Variants in CSMD1 observed in about 807,000 individuals in gnomAD.
CSMD1 encodes CUB and sushi domain-containing protein 1.
Under a neutral mutation model 417.5 loss-of-function variants are expected in CSMD1, and 213 were observed. The observed-to-expected ratio is 0.51, with a 90% CI of 0.46 to 0.57. CSMD1 has a LOEUF of 0.57. Ranked by LOEUF, CSMD1 falls within the 20% of genes least tolerant of loss-of-function variation. The probability of loss-of-function intolerance (pLI) is 0.00; values close to 1 mark genes in which losing one functional copy is unlikely to be tolerated. For synonymous variants in CSMD1, 2,862 were observed against 1,736.8 expected (o/e 1.65, Z -16.11); for missense variants, 6,923 against 4,529.7 (o/e 1.53, Z -15.17).
intron 1 of CSMD1, among the ~76,000 whole-genome samples, chr8:4,687,971 T>A (rs551382290): frequency 3.3e-5 from 5 of 152,342 alleles, no homozygotes; most frequent in African/African-American, 9.6e-5. Flanking sequence ...ATCTGTAGCA[T>A]CTTTCACTGC....
At chr8:4,330,007 T>C (rs947092259) in intron 3 of CSMD1, among the ~76,000 whole-genome samples, 20 of 152,164 alleles carry the variant, frequency 1.3e-4, no homozygotes, top group African/African-American at 4.8e-4. Context: ...CCATGCTTCC[T>C]GTACAGCATG....
intron 2 of CSMD1, among the ~76,000 whole-genome samples, chr8:4,555,648 C>T (rs1798056027): frequency 6.6e-6 from 1 of 152,096 alleles, no homozygotes; most frequent in Non-Finnish European, 1.5e-5. Context: ...AAAAATGCTG[C>T]TTTTGTCAGA....
intron 52 of CSMD1, among the ~76,000 whole-genome samples, chr8:3,014,482 C>G (rs1375144174): frequency 6.6e-6 from 1 of 152,122 alleles, no homozygotes; most frequent in African/African-American, 2.4e-5. Context: ...TCCATAATAT[C>G]TCACCAAGAA....
chr8:4,438,694 G>T (rs570377363), intron 2 of CSMD1, among the ~76,000 whole-genome samples: 5 of 152,228 alleles, frequency 3.3e-5, no homozygotes, highest in Admixed American at 3.3e-4. Context: ...AAACTCTTGC[G>T]GCCTTCATAC....
intron 3 of CSMD1, among the ~76,000 whole-genome samples, chr8:4,362,823 T>A: frequency 6.6e-6 from 1 of 152,230 alleles, no homozygotes; most frequent in East Asian, 1.9e-4. Context: ...GATTTTATAA[T>A]ATGGGATAGT....
At position 3,983,212 on chromosome 8, in the gene CSMD1, G is replaced by T. The variant is rs545075275; in HGVS notation, c.818+14691C>A. On this transcript the variant is annotated intron_variant, in intron 5 of 69. Coordinates refer to ENST00000635120, the MANE Select transcript of CSMD1 (RefSeq NM_033225.6). ...GTGGCGCGATCTCAGCTCACTGCAAGCTCCACCTCCCGGGTTCACGCCATT... is the reference window on the plus strand; with the variant it reads ...GTGGCGCGATCTCAGCTCACTGCAATCTCCACCTCCCGGGTTCACGCCATT... Among the ~76,000 whole-genome samples the T allele has an allele frequency of 3.4e-5, 5 of 148,530 alleles. No individual in the cohort carries two copies. In the East Asian group the frequency reaches 1.0e-3, roughly 30 times the overall value.
At chr8:3,330,183 T>G (rs908278898) in intron 23 of CSMD1, among the ~76,000 whole-genome samples, 1 of 152,192 alleles carries the variant, frequency 6.6e-6, no homozygotes, top group South Asian at 2.1e-4. Flanking sequence ...CTTCAATTAC[T>G]ATAGCATTCT....
intron 1 of CSMD1, among the ~76,000 whole-genome samples, chr8:4,689,444 G>A (rs949499575): frequency 2.6e-5 from 4 of 152,090 alleles, no homozygotes; most frequent in Non-Finnish European, 4.4e-5. Context: ...TAATGGGTAT[G>A]CATTTATATT....
At chr8:3,655,610 G>A (rs1006308198) in intron 7 of CSMD1, among the ~76,000 whole-genome samples, 1 of 151,640 alleles carries the variant, frequency 6.6e-6, no homozygotes, top group African/African-American at 2.4e-5. Context: ...GGCCCCTCAG[G>A]CAGGGCTGCA....
chr8:4,303,288 T>C (rs961442664), intron 3 of CSMD1, among the ~76,000 whole-genome samples: 4 of 152,160 alleles, frequency 2.6e-5, no homozygotes, highest in Non-Finnish European at 4.4e-5. Context: ...AAAATAATTA[T>C]TTTTACTTAG....
chr8:3,216,454 T>C lies in CSMD1; in HGVS notation c.4673-1763A>G, dbSNP rs144969339. Among the ~76,000 whole-genome samples, 648 of 152,322 alleles carry C rather than the reference T, an allele frequency of 4.3e-3. 8 individuals are homozygous for C. Among genetic ancestry groups the C allele is most frequent in the African/African-American group, 0.015 (608 of 41,572 alleles). On this transcript the variant is annotated intron_variant, in intron 29 of 69. Transcript: ENST00000635120. ...ACATCTATTAATGTATGTCTGTTGC[T>C]CTTGTGTCCTTTTTGATCATTTTTT... is the stretch of plus-strand genomic sequence containing the variant.
At chr8:3,353,734 T>G (rs1374041228) in intron 21 of CSMD1, among the ~76,000 whole-genome samples, 1 of 149,324 alleles carries the variant, frequency 6.7e-6, no homozygotes, top group Non-Finnish European at 1.5e-5. Context: ...TTTTCAATAG[T>G]CTATTTAATA....
At chr8:3,052,717 T>C in intron 49 of CSMD1, 70 bp from the exon 50 acceptor site, 3 of 1,096,804 alleles carry the variant, frequency 2.7e-6, no homozygotes, top group Non-Finnish European at 3.8e-6. Context: ...AAACCATTGA[T>C]TGATTAATCA....
At chr8:4,734,200 A>C (rs1244247365) in intron 1 of CSMD1, among the ~76,000 whole-genome samples, 2 of 152,152 alleles carry the variant, frequency 1.3e-5, no homozygotes, top group Non-Finnish European at 2.9e-5. Flanking sequence ...TTACCTGGAA[A>C]ATTCCCCTGC....
chr8:4,931,074 T>G (rs1379598934), intron 1 of CSMD1, among the ~76,000 whole-genome samples: 1 of 152,218 alleles, frequency 6.6e-6, no homozygotes, highest in African/African-American at 2.4e-5. Context: ...ATAATTGGCT[T>G]GGAAATTCAG....
chr8:3,740,207 G>C (rs944381460), intron 6 of CSMD1, among the ~76,000 whole-genome samples: 2 of 152,158 alleles, frequency 1.3e-5, no homozygotes, highest in Non-Finnish European at 2.9e-5. Flanking sequence ...CCAGGTTCAA[G>C]TGAGTCTCCT....
intron 25 of CSMD1, among the ~76,000 whole-genome samples, chr8:3,287,913 T>C (rs35708965): frequency 0.087 from 11,860 of 136,020 alleles, 809 homozygotes; most frequent in Non-Finnish European, 0.12. Context: ...AGTTTTTGCC[T>C]ATTCAGTATG....
intron 3 of CSMD1, among the ~76,000 whole-genome samples, chr8:4,307,017 G>A (rs534341776): frequency 3.3e-5 from 5 of 152,040 alleles, no homozygotes; most frequent in East Asian, 3.9e-4. Context: ...GCCCCTCTTC[G>A]TCGCCTGCAC....
chr8:4,350,125 C>G (rs1359298989), intron 3 of CSMD1, among the ~76,000 whole-genome samples: 4 of 152,152 alleles, frequency 2.6e-5, no homozygotes, highest in African/African-American at 9.7e-5. Context: ...AGATTCATCC[C>G]AAACTTCAGT....
Sources: gnomAD v4.1 joint callset for allele counts (sites outside exome capture counted in the v4.1 genomes callset) on GRCh38, gnomAD v4.1.1 for gene constraint, MANE v1.5 for transcripts, NCBI Gene and HGNC (gene_info 2026-07-23, HGNC 2026-07-21) for gene names.